The following CYP4X1 variants were observed in gnomAD, a reference collection of about 807,000 sequenced individuals.
CYP4X1 encodes cytochrome P450 4X1.
A neutral mutation model predicts 57.9 loss-of-function variants in CYP4X1; 44 were observed. The observed-to-expected ratio is 0.76, with a 90% CI of 0.60 to 0.98. CYP4X1 has a LOEUF of 0.98. CYP4X1 is among the 50% of genes least tolerant of loss of function. The probability of loss-of-function intolerance (pLI) is 0.00; values close to 1 mark genes in which losing one functional copy is unlikely to be tolerated. For synonymous variants in CYP4X1, 227 were observed against 228.6 expected (o/e 0.99, Z 0.06); for missense variants, 532 against 623.9 (o/e 0.85, Z 1.57).
chr1:46,986,073 C>T, the CYP4X1 span, among the ~76,000 whole-genome samples: 4 of 152,068 alleles, frequency 2.6e-5, no homozygotes, highest in African/African-American at 7.2e-5. Context: ...CAAACTCCTC[C>T]GAGCTAAAGG....
At chr1:47,046,367 GCTTTAA>G in intron 8 of CYP4X1, 94 bp from the exon 9 acceptor site, 1 of 1,518,500 alleles carries the variant, frequency 6.6e-7, no homozygotes, top group South Asian at 1.3e-5. Flanking sequence ...TGGCAAAATG[GCTTTAA>G]CCTGAGGGTA....
At chr1:46,989,458 G>T in the CYP4X1 span, among the ~76,000 whole-genome samples, 1 of 152,132 alleles carries the variant, frequency 6.6e-6, no homozygotes, top group African/African-American at 2.4e-5. Flanking sequence ...TCAATATCAT[G>T]AAAATGGACA....
downstream of CYP4X1, among the ~76,000 whole-genome samples, chr1:47,051,306 G>T (rs1644358636): frequency 6.6e-6 from 1 of 151,736 alleles, no homozygotes; most frequent in Non-Finnish European, 1.5e-5. Context: ...TTGAACCCGG[G>T]AGGGGGAGGT....
At chr1:47,010,509 G>A in the CYP4X1 span, among the ~76,000 whole-genome samples, 1 of 152,218 alleles carries the variant, frequency 6.6e-6, no homozygotes, top group East Asian at 1.9e-4. Flanking sequence ...ACAAGACAGG[G>A]ATGCCCTCTC....
rs867689698 is a variant in CYP4X1 at position 47,046,582 on chromosome 1, G to A, written c.1189G>A (p.Gly397Arg). The change falls in exon 9 of 12, where the codon GGA (glycine) becomes AGA (arginine). Residue 397 changes from glycine to arginine, a missense_variant. Gly to Arg is a moderately radical substitution (Grantham distance 125, BLOSUM62 -2). Transcript: ENST00000371901. ...CAGCAAGCCACTTACCTTCCCAGAT[G>A]GATGCACATTGCCTGCAGGTCTTTA... ...DLSKPLTFPD[G>R]CTLPAGITVV... 1.2e-6 allele frequency: 2 copies of A among 1,614,140 alleles called. No homozygotes were observed. Among genetic ancestry groups the A allele is most frequent in the Non-Finnish European group, 8.5e-7 (1 of 1,180,030 alleles).
In CYP4X1 at chr1:47,035,848, G is replaced by A. The variant is rs1220347506; in HGVS notation, c.535G>A (p.Glu179Lys). 6.2e-7 allele frequency: 1 copy of A among 1,613,498 alleles called. No individual in the cohort carries two copies. Among genetic ancestry groups the A allele is most frequent in the Non-Finnish European group, 8.5e-7 (1 of 1,179,774 alleles). Reference sequence around the variant, plus strand: ...TTGCAGCACTCAGGACACAAGCGTGGAGGTCTATGAGCACATCAACTCGAT... The same window carrying A: ...TTGCAGCACTCAGGACACAAGCGTGAAGGTCTATGAGCACATCAACTCGAT... The part of the protein sequence containing the change: ...KICSTQDTSV[E>K]VYEHINSMSL... Residue 179 changes from glutamate to lysine, a missense_variant, in exon 5 of 12, where the codon GAG becomes AAG. Physicochemically the swap from Glu to Lys is moderately conservative, Grantham distance 56 (BLOSUM62 1). Coordinates refer to ENST00000371901, the MANE Select transcript of CYP4X1 (RefSeq NM_178033.2).
downstream of CYP4X1, among the ~76,000 whole-genome samples, chr1:47,055,366 T>G (rs901848178): frequency 4.6e-5 from 7 of 152,226 alleles, no homozygotes; most frequent in Non-Finnish European, 5.9e-5. Flanking sequence ...TTAAGGATAT[T>G]GGTTTAAAAT....
At chr1:46,962,203 G>A in the CYP4X1 span, among the ~76,000 whole-genome samples, 178 of 151,808 alleles carry the variant, frequency 1.2e-3, no homozygotes, top group African/African-American at 3.8e-3. Flanking sequence ...TGCAGCCTCC[G>A]CCTCCCGGGT....
chr1:47,005,163 AG>A, the CYP4X1 span, among the ~76,000 whole-genome samples: 1 of 152,156 alleles, frequency 6.6e-6, no homozygotes, highest in Non-Finnish European at 1.5e-5. Context: ...CACTCAGAAG[AG>A]GTTCTGAGGT....
chr1:46,983,530 A>G, the CYP4X1 span, among the ~76,000 whole-genome samples: 2 of 152,348 alleles, frequency 1.3e-5, no homozygotes, highest in African/African-American at 2.4e-5. Context: ...AGAAATGCAG[A>G]GCCGCCACTG....
chr1:47,007,134 G>A, the CYP4X1 span, among the ~76,000 whole-genome samples: 3 of 152,342 alleles, frequency 2.0e-5, no homozygotes, highest in Admixed American at 6.5e-5. Flanking sequence ...GCCTCCTCAG[G>A]TGGGTCCCTA....
intron 6 of CYP4X1, 55 bp downstream of exon 6, chr1:47,036,226 T>C (rs1644180379): frequency 6.4e-7 from 1 of 1,551,000 alleles, no homozygotes; most frequent in African/African-American, 1.4e-5. Context: ...TTGTACTGTG[T>C]CTGTCTAGAG....
chr1:47,016,364 T>C, the CYP4X1 span, among the ~76,000 whole-genome samples: 223 of 149,328 alleles, frequency 1.5e-3, 2 homozygotes, highest in African/African-American at 5.3e-3. Context: ...TTTTTTGAGA[T>C]GGAGTCTTGC....
chr1:46,963,884 T>C, the CYP4X1 span, among the ~76,000 whole-genome samples: 1 of 152,254 alleles, frequency 6.6e-6, no homozygotes, highest in African/African-American at 2.4e-5. Flanking sequence ...GGTACACCAA[T>C]CAGACATAGA....
the CYP4X1 span, among the ~76,000 whole-genome samples, chr1:46,996,518 A>G: frequency 6.6e-6 from 1 of 152,208 alleles, no homozygotes; most frequent in Non-Finnish European, 1.5e-5. Flanking sequence ...GGCTAGGAGT[A>G]ACATAGTCAT....
chr1:46,970,401 C>T, the CYP4X1 span, among the ~76,000 whole-genome samples: 6 of 152,142 alleles, frequency 3.9e-5, no homozygotes, highest in African/African-American at 1.4e-4. Flanking sequence ...CGTTTTCTTA[C>T]AAACACCAAC....
At chr1:47,033,128 C>A in intron 3 of CYP4X1, 113 bp from the exon 4 acceptor site, 1 of 1,168,230 alleles carries the variant, frequency 8.6e-7, no homozygotes, top group Non-Finnish European at 1.2e-6. Context: ...TGATACTCCA[C>A]TGTTGCATGA....
At chr1:46,984,199 C>T in the CYP4X1 span, among the ~76,000 whole-genome samples, 3 of 151,978 alleles carry the variant, frequency 2.0e-5, no homozygotes, top group Non-Finnish European at 2.9e-5. Context: ...GTCCTGGGGG[C>T]TCTTGCTCAC....
intron 11 of CYP4X1, 41 bp from the exon 12 acceptor site, chr1:47,049,959 T>C (rs1485128843): frequency 2.5e-6 from 4 of 1,590,466 alleles, no homozygotes; most frequent in African/African-American, 1.3e-5. Flanking sequence ...AGAAGAAACA[T>C]CATTTTTTCA....
Sources: gnomAD v4.1 joint callset for allele counts (sites outside exome capture counted in the v4.1 genomes callset) on GRCh38, gnomAD v4.1.1 for gene constraint, MANE v1.5 for transcripts, NCBI Gene and HGNC (gene_info 2026-07-23, HGNC 2026-07-21) for gene names.